Variants in ZNF704 observed in about 807,000 individuals in gnomAD.
ZNF704 encodes zinc finger protein 704.
A neutral mutation model predicts 44.7 loss-of-function variants in ZNF704; 10 were observed. The ratio of observed to expected loss-of-function variants is 0.22; its 90% CI spans 0.14 to 0.38. The LOEUF is 0.38. Among genes scored for constraint, ZNF704 ranks in the 10% least tolerant of loss-of-function variants. ZNF704 has a pLI of 1.00. For synonymous variants in ZNF704, 211 were observed against 207.6 expected (o/e 1.02, Z -0.14); for missense variants, 390 against 545.5 (o/e 0.71, Z 2.84).
chr8:80,868,729 C>T (rs1809198998), intron 1 of ZNF704, among the ~76,000 whole-genome samples: 1 of 152,188 alleles, frequency 6.6e-6, no homozygotes, highest in Non-Finnish European at 1.5e-5. Flanking sequence ...TCGTGGATTT[C>T]ATTCCCATTC....
chr8:80,816,143 A>G (rs1808173393), intron 2 of ZNF704, among the ~76,000 whole-genome samples: 1 of 152,176 alleles, frequency 6.6e-6, no homozygotes, highest in African/African-American at 2.4e-5. Context: ...CTAAACTACC[A>G]TAATTTCTTT....
At chr8:80,844,791 T>C (rs1056552084) in intron 1 of ZNF704, among the ~76,000 whole-genome samples, 8 of 152,060 alleles carry the variant, frequency 5.3e-5, no homozygotes, top group Admixed American at 4.6e-4. Flanking sequence ...GTTTAAAAAA[T>C]CTTTTTGAAT....
At chr8:80,704,618 G>A (rs1479132730) in intron 2 of ZNF704, among the ~76,000 whole-genome samples, 1 of 152,174 alleles carries the variant, frequency 6.6e-6, no homozygotes, top group Non-Finnish European at 1.5e-5. Flanking sequence ...GGAAAGGGCT[G>A]ATCACCAATG....
chr8:80,778,655 A>G (rs1807457815), intron 2 of ZNF704, among the ~76,000 whole-genome samples: 1 of 152,238 alleles, frequency 6.6e-6, no homozygotes. Context: ...GTACATACCC[A>G]TCACGGAATA....
rs906214534 is a variant in ZNF704 at position 80,855,542 on chromosome 8, C to T, written c.-22+19029G>A. 9.9e-5 allele frequency among the ~76,000 whole-genome samples: 15 copies of T among 152,230 alleles called. No individual in the cohort carries two copies. In the South Asian group the frequency reaches 2.7e-3, roughly 27 times the overall value. ...TACAGAAAGACAAATATCACATGTT[C>T]TCACTTATAAGTGAGAGCTAAATAA... On this transcript the variant is annotated intron_variant, in intron 1 of 8. Coordinates refer to ENST00000327835, the MANE Select transcript of ZNF704 (RefSeq NM_001033723.3).
intron 2 of ZNF704, among the ~76,000 whole-genome samples, chr8:80,702,678 C>G (rs180786914): frequency 1.3e-5 from 2 of 152,016 alleles, no homozygotes. Context: ...GACACAAAAG[C>G]GAAGGCGAGA....
In ZNF704 at chr8:80,687,328, G is replaced by A. The variant is rs1207027856; in HGVS notation, c.456C>T (p.Asp152=). Residue 152 remains aspartate (D), a synonymous_variant, in exon 4 of 9, where the codon GAC becomes GAT. Transcript: ENST00000327835. Reference sequence around the variant, plus strand: ...CGGGGCTGCGGAAGGGCTTGAAGCTGTCAGCCGAGAGCGGCGGCGACGGCG... The same window carrying A: ...CGGGGCTGCGGAAGGGCTTGAAGCTATCAGCCGAGAGCGGCGGCGACGGCG... ...PSTPSPPLSA[D]SFKPFRSPAQ... 1.2e-6 allele frequency: 2 copies of A among 1,611,974 alleles called. No homozygotes were observed. Among genetic ancestry groups the A allele is most frequent in the Non-Finnish European group, 1.7e-6 (2 of 1,179,828 alleles).
intron 2 of ZNF704, among the ~76,000 whole-genome samples, chr8:80,752,753 C>T (rs956844664): frequency 6.6e-6 from 1 of 152,106 alleles, no homozygotes; most frequent in Non-Finnish European, 1.5e-5. Flanking sequence ...GTTGGTCAGG[C>T]TGGTCTCAAA....
At chr8:80,821,058 T>C (rs1049838380) in intron 2 of ZNF704, among the ~76,000 whole-genome samples, 8 of 152,268 alleles carry the variant, frequency 5.3e-5, no homozygotes, top group African/African-American at 1.9e-4. Context: ...TCCTACTTAA[T>C]GTATGCTCAG....
intron 7 of ZNF704, among the ~76,000 whole-genome samples, chr8:80,658,226 C>A (rs1398840707): frequency 6.6e-6 from 1 of 152,100 alleles, no homozygotes. Context: ...GCTTCCCATA[C>A]ATCATTGAAA....
At chr8:80,835,088 T>G (rs917427747) in intron 1 of ZNF704, among the ~76,000 whole-genome samples, 1 of 152,180 alleles carries the variant, frequency 6.6e-6, no homozygotes, top group Non-Finnish European at 1.5e-5. Flanking sequence ...GGATGGAAAG[T>G]TATTGGAAAA....
chr8:80,794,297 C>T (rs986248008), intron 2 of ZNF704, among the ~76,000 whole-genome samples: 5 of 152,100 alleles, frequency 3.3e-5, no homozygotes, highest in Non-Finnish European at 5.9e-5. Context: ...GAAACTCGAG[C>T]TTCTTCAATT....
intron 2 of ZNF704, among the ~76,000 whole-genome samples, chr8:80,716,656 C>T (rs1426436742): frequency 6.6e-6 from 1 of 152,176 alleles, no homozygotes; most frequent in Non-Finnish European, 1.5e-5. Context: ...CATGTTAAGT[C>T]CTTTAAACTG....
intron 1 of ZNF704, among the ~76,000 whole-genome samples, chr8:80,868,158 C>T (rs1278817514): frequency 6.6e-6 from 1 of 152,024 alleles, no homozygotes; most frequent in Non-Finnish European, 1.5e-5. Context: ...GTGTTTGTTT[C>T]TTTTCTGGTT....
intron 1 of ZNF704, among the ~76,000 whole-genome samples, chr8:80,826,466 C>T (rs939804931): frequency 4.6e-5 from 7 of 152,066 alleles, no homozygotes; most frequent in South Asian, 2.1e-4. Context: ...CAGGAACAGA[C>T]GGATTCACAG....
At chr8:80,778,771 C>A (rs560361404) in intron 2 of ZNF704, among the ~76,000 whole-genome samples, 2 of 152,134 alleles carry the variant, frequency 1.3e-5, no homozygotes, top group African/African-American at 4.8e-5. Context: ...AACCAAATGC[C>A]GCATCTTCTC....
intron 2 of ZNF704, among the ~76,000 whole-genome samples, chr8:80,765,239 C>T (rs993434662): frequency 6.6e-6 from 1 of 152,108 alleles, no homozygotes; most frequent in Non-Finnish European, 1.5e-5. Flanking sequence ...AAGAGAGAGG[C>T]CTTCTGTATT....
At chr8:80,757,250 C>CAGTG (rs1210001263) in intron 2 of ZNF704, among the ~76,000 whole-genome samples, 1 of 152,018 alleles carries the variant, frequency 6.6e-6, no homozygotes, top group East Asian at 1.9e-4. Flanking sequence ...AGGTGGAAGA[C>CAGTG]AGTGATATTG....
At chr8:80,873,894 C>T (rs1346998733) in intron 1 of ZNF704, among the ~76,000 whole-genome samples, 1 of 144,614 alleles carries the variant, frequency 6.9e-6, no homozygotes, top group Non-Finnish European at 1.5e-5. Context: ...CTCTCCGGGG[C>T]GGGCGCCGGG....
Sources: allele counts gnomAD v4.1 joint callset (sites outside exome capture counted in the v4.1 genomes callset), GRCh38; gene constraint gnomAD v4.1.1; transcripts MANE v1.5; gene names NCBI Gene and HGNC (gene_info 2026-07-23, HGNC 2026-07-21).